The following TMEM132C variants were observed in gnomAD, a reference collection of about 807,000 sequenced individuals.
TMEM132C encodes transmembrane protein 132C.
TMEM132C carries 29 observed loss-of-function variants against 61.4 expected under a neutral mutation model. The ratio of observed to expected loss-of-function variants is 0.47; its 90% CI spans 0.35 to 0.64. The LOEUF (loss-of-function observed/expected upper bound fraction) is 0.64, where lower values mean the gene tolerates loss of function less well. Ranked by LOEUF, TMEM132C falls within the 30% of genes least tolerant of loss-of-function variation. TMEM132C has a pLI of 0.00. For missense variants in TMEM132C, 1,408 were observed against 1,476.9 expected (o/e 0.95, Z 0.76); for synonymous variants, 656 against 633.1 (o/e 1.04, Z -0.54).
rs4372523 is a variant in TMEM132C at position 128,444,167 on chromosome 12, G to A, written c.974+28547G>A. 7.5e-3 allele frequency among the ~76,000 whole-genome samples: 1,145 copies of A among 152,240 alleles called. 10 individuals are homozygous for A. Among genetic ancestry groups the A allele is most frequent in the African/African-American group, 0.026 (1,071 of 41,544 alleles). On this transcript the variant is annotated intron_variant, in intron 2 of 8. Coordinates refer to ENST00000435159, the MANE Select transcript of TMEM132C (RefSeq NM_001136103.3). ...ACTCCTGTGCTCAAGCGATCCTCCC[G>A]CCTCAGCCTCCCAAAGTGCTGGGAT...
At chr12:128,541,258 C>T (rs1167361362) in intron 2 of TMEM132C, among the ~76,000 whole-genome samples, 10 of 152,126 alleles carry the variant, frequency 6.6e-5, no homozygotes, top group Admixed American at 6.5e-4. Context: ...CCTGGGATAC[C>T]ACCTTCCAGG....
In TMEM132C at chr12:128,525,572, A is replaced by G. The variant is rs116383697; in HGVS notation, c.975-18385A>G. Among the ~76,000 whole-genome samples the G allele has an allele frequency of 3.5e-3, 536 of 152,300 alleles. 5 individuals are homozygous for G. Among genetic ancestry groups the G allele is most frequent in the African/African-American group, 0.012 (481 of 41,566 alleles). ...CATGTGCTCTGTGTCAGTGGCACAC[A>G]GGGCTGATCTGAGTTTTGCACACGC... On this transcript the variant is annotated intron_variant, in intron 2 of 8. Transcript: ENST00000435159.
At chr12:128,330,279 G>A (rs1215829597) in intron 1 of TMEM132C, among the ~76,000 whole-genome samples, 1 of 152,178 alleles carries the variant, frequency 6.6e-6, no homozygotes, top group African/African-American at 2.4e-5. Flanking sequence ...TGTTGCCATG[G>A]CCAACAATTT....
chr12:128,567,192 C>CA (rs1565976357), intron 3 of TMEM132C, among the ~76,000 whole-genome samples: 1 of 152,148 alleles, frequency 6.6e-6, no homozygotes, highest in African/African-American at 2.4e-5. Context: ...ATGTCTCCTT[C>CA]AAGGAGTGTT....
chr12:128,665,555 G>GCA (rs1491447905), intron 4 of TMEM132C, among the ~76,000 whole-genome samples: 1 of 101,758 alleles, frequency 9.8e-6, no homozygotes, highest in Non-Finnish European at 1.9e-5. Context: ...AAAAATACAG[G>GCA]CGCACACACA....
At chr12:128,445,402 G>A (rs895175142) in intron 2 of TMEM132C, among the ~76,000 whole-genome samples, 11 of 152,158 alleles carry the variant, frequency 7.2e-5, no homozygotes, top group African/African-American at 2.2e-4. Flanking sequence ...TGCTCTTGTT[G>A]TCTTTTTGCG....
chr12:128,603,703 C>G (rs189187879), intron 3 of TMEM132C, among the ~76,000 whole-genome samples: 1 of 152,264 alleles, frequency 6.6e-6, no homozygotes, highest in Non-Finnish European at 1.5e-5. Flanking sequence ...GCAACAGCAG[C>G]CTCCTCACTA....
At chr12:128,378,146 G>C (rs1465237157) in intron 1 of TMEM132C, among the ~76,000 whole-genome samples, 1 of 149,694 alleles carries the variant, frequency 6.7e-6, no homozygotes, top group Admixed American at 6.7e-5. Context: ...ATGGAGTCTC[G>C]CTCTGTCGCC....
At chr12:128,419,172 C>G (rs372547026) in intron 2 of TMEM132C, among the ~76,000 whole-genome samples, 4 of 152,158 alleles carry the variant, frequency 2.6e-5, no homozygotes, top group African/African-American at 9.7e-5. Context: ...ATAGTTAGTA[C>G]AGCCTCCAAG....
At position 128,366,810 on chromosome 12, in the gene TMEM132C, G is replaced by A. The variant is rs146318727; in HGVS notation, c.86-47922G>A. 1.3e-4 allele frequency among the ~76,000 whole-genome samples: 20 copies of A among 152,290 alleles called. No individual in the cohort carries two copies. The East Asian group carries it at 1.4e-3, about 10-fold the overall frequency. ...GTATTAAGTACGTCTTATGTGCTGC[G>A]TGCAGAGTTACATACTAGGGAAAGA... On this transcript the variant is annotated intron_variant, in intron 1 of 8. Transcript: ENST00000435159.
rs545059738 is a variant in TMEM132C, at chr12:128,639,180, GTGGTGA to G, written c.1305+22857_1305+22862del. Among the ~76,000 whole-genome samples, 8 of 133,642 alleles carry G rather than the reference GTGGTGA, an allele frequency of 6.0e-5. No individual in the cohort carries two copies. In the East Asian group the frequency reaches 1.2e-3, roughly 20 times the overall value. 87.7% of individuals were successfully genotyped at this position (133,642 alleles called of 152,430 possible). A position where few individuals can be genotyped will look rare whatever the true frequency, so the allele number is the denominator to read the frequency against. ...GGTGATGGTGGTGATGGTGATGATGGTGGTGATGGTGATGGTGGGGTGATGATGATG... is the reference window on the plus strand; with the variant it reads ...GGTGATGGTGGTGATGGTGATGATGGTGGTGATGGTGGGGTGATGATGATG... On this transcript the variant is annotated intron_variant, in intron 4 of 8. Transcript: ENST00000435159.
At chr12:128,575,376 G>C (rs1235416505) in intron 3 of TMEM132C, among the ~76,000 whole-genome samples, 3 of 152,192 alleles carry the variant, frequency 2.0e-5, no homozygotes, top group South Asian at 2.1e-4. Flanking sequence ...CTACTGGGGA[G>C]ACTGAGGCAG....
chr12:128,298,517 G>T (rs12322451), intron 1 of TMEM132C, among the ~76,000 whole-genome samples: 1 of 151,910 alleles, frequency 6.6e-6, no homozygotes, highest in East Asian at 1.9e-4. Context: ...TGCATCTCAC[G>T]TAACTACGGT....
At chr12:128,397,493 A>G (rs569177713) in intron 1 of TMEM132C, among the ~76,000 whole-genome samples, 6 of 152,290 alleles carry the variant, frequency 3.9e-5, no homozygotes, top group Non-Finnish European at 5.9e-5. Flanking sequence ...GAGGGGGTCT[A>G]TATTCCATAG....
At chr12:128,453,909 A>T (rs1306346760) in intron 2 of TMEM132C, among the ~76,000 whole-genome samples, 1 of 152,202 alleles carries the variant, frequency 6.6e-6, no homozygotes, top group East Asian at 1.9e-4. Context: ...TCGATTTTTA[A>T]AAAAATCCCA....
At chr12:128,685,859 A>C (rs1954669478) in intron 5 of TMEM132C, among the ~76,000 whole-genome samples, 1 of 152,218 alleles carries the variant, frequency 6.6e-6, no homozygotes, top group African/African-American at 2.4e-5. Context: ...TGGATATGAT[A>C]AATATAATAG....
At chr12:128,355,897 C>T (rs944898606) in intron 1 of TMEM132C, among the ~76,000 whole-genome samples, 5 of 152,146 alleles carry the variant, frequency 3.3e-5, no homozygotes, top group African/African-American at 1.2e-4. Context: ...TTGCAGCCCC[C>T]TGGCACTCTT....
At chr12:128,538,845 T>A (rs1873633743) in intron 2 of TMEM132C, among the ~76,000 whole-genome samples, 1 of 152,220 alleles carries the variant, frequency 6.6e-6, no homozygotes, top group African/African-American at 2.4e-5. Context: ...ATAATCATAT[T>A]TTGTCTAGAT....
intron 2 of TMEM132C, among the ~76,000 whole-genome samples, chr12:128,453,038 G>A (rs1842307941): frequency 1.3e-5 from 2 of 152,194 alleles, no homozygotes; most frequent in Non-Finnish European, 1.5e-5. Flanking sequence ...CTTCCAGGGG[G>A]CTTCTAATAC....
Sources: gnomAD v4.1 joint callset for allele counts (sites outside exome capture counted in the v4.1 genomes callset) on GRCh38, gnomAD v4.1.1 for gene constraint, MANE v1.5 for transcripts, NCBI Gene and HGNC (gene_info 2026-07-23, HGNC 2026-07-21) for gene names.